The following TSPEAR variants were observed in gnomAD, a reference collection of about 807,000 sequenced individuals.
TSPEAR encodes thrombospondin-type laminin G domain and EAR repeat-containing protein.
In TSPEAR, 69 loss-of-function variants were observed where a neutral mutation model predicts 71.6. The observed-to-expected ratio is 0.96, with a 90% CI of 0.79 to 1.18. TSPEAR has a LOEUF of 1.18. Among genes scored for constraint, TSPEAR ranks in the 50% most tolerant of loss-of-function variants. The pLI is 0.00. For synonymous variants in TSPEAR, 402 were observed against 387.2 expected (o/e 1.04, Z -0.45); for missense variants, 971 against 894.9 (o/e 1.09, Z -1.09).
At position 44,658,198 on chromosome 21, in the gene TSPEAR, G is replaced by A. The variant is rs201709034; in HGVS notation, c.82+53235C>T. ...ATGTGACTCCCTCTTGCCAATCTTC[G>A]GGGTGCTGCCAGCCCCCCTGCACCA... On this transcript the variant is annotated intron_variant, in intron 1 of 11. Transcript: ENST00000323084. 28 of 1,613,912 alleles carry A rather than the reference G, an allele frequency of 1.7e-5. No individual in the cohort carries two copies. The African/African-American group carries it at 2.0e-4, about 12-fold the overall frequency.
intron 1 of TSPEAR, among the ~76,000 whole-genome samples, chr21:44,575,862 T>TC (rs1978404850): frequency 6.6e-6 from 1 of 152,024 alleles, no homozygotes; most frequent in Non-Finnish European, 1.5e-5. Flanking sequence ...AGCAGAATCA[T>TC]CTCCTCGACC....
intron 1 of TSPEAR, among the ~76,000 whole-genome samples, chr21:44,633,171 A>T (rs1430819271): frequency 6.6e-6 from 1 of 152,154 alleles, no homozygotes; most frequent in Non-Finnish European, 1.5e-5. Flanking sequence ...CAAAAAACTA[A>T]TTTTAGGCTT....
In TSPEAR at chr21:44,583,691, A is replaced by G. The variant is rs1979153200; in HGVS notation, c.83-15686T>C. Among the ~76,000 whole-genome samples, 3 of 152,206 alleles carry G rather than the reference A, an allele frequency of 2.0e-5. No individual in the cohort carries two copies. The South Asian group carries it at 6.2e-4, about 32-fold the overall frequency. On this transcript the variant is annotated intron_variant, in intron 1 of 11. Coordinates refer to ENST00000323084, the MANE Select transcript of TSPEAR (RefSeq NM_144991.3). ...GTAACTTGAGTGATCTAAGATATAC[A>G]TTACTTGATAATGGCTCATTATCCC...
chr21:44,660,087 CAAAGAG>C (rs1222299129), intron 1 of TSPEAR, among the ~76,000 whole-genome samples: 16 of 151,758 alleles, frequency 1.1e-4, no homozygotes, highest in African/African-American at 1.7e-4. Flanking sequence ...AATTAAAACA[CAAAGAG>C]AAAGAGAAAG....
At chr21:44,603,950 T>C (rs1981145504) in intron 1 of TSPEAR, among the ~76,000 whole-genome samples, 2 of 152,258 alleles carry the variant, frequency 1.3e-5, no homozygotes, top group Admixed American at 1.3e-4. Context: ...AGAAGCCACC[T>C]GTGGGGCATC....
chr21:44,629,292 G>A (rs587683549), intron 1 of TSPEAR, among the ~76,000 whole-genome samples: 3 of 152,314 alleles, frequency 2.0e-5, no homozygotes, highest in African/African-American at 4.8e-5. Flanking sequence ...TCCACGGACT[G>A]GGGGCTCGAG....
chr21:44,579,244 C>G (rs1978695318), intron 1 of TSPEAR, among the ~76,000 whole-genome samples: 1 of 152,136 alleles, frequency 6.6e-6, no homozygotes, highest in African/African-American at 2.4e-5. Context: ...AGCCAATGAC[C>G]AGGCTCAGGA....
rs267606159 is a variant in TSPEAR at position 44,540,065 on chromosome 21, G to A, written c.304-6142C>T. On this transcript the variant is annotated intron_variant, in intron 2 of 11. Coordinates refer to ENST00000323084, the MANE Select transcript of TSPEAR (RefSeq NM_144991.3). Reference sequence around the variant, plus strand: ...GCAGCAGCTGAGGGCGCAGCAGTGGGGCTCACAGCAGCTCTCTGGGCAGGC... The same window carrying A: ...GCAGCAGCTGAGGGCGCAGCAGTGGAGCTCACAGCAGCTCTCTGGGCAGGC... 2.5e-6 allele frequency: 4 copies of A among 1,613,372 alleles called. No homozygotes were observed. The East Asian group carries it at 8.9e-5, about 36-fold the overall frequency.
intron 1 of TSPEAR, among the ~76,000 whole-genome samples, chr21:44,597,432 C>CTTTTT (rs370569621): frequency 2.3e-5 from 3 of 130,618 alleles, no homozygotes; most frequent in African/African-American, 9.8e-5. Context: ...TTCTTTCTTT[C>CTTTTT]TTTTCTTTTT....
chr21:44,533,721 A>G lies in TSPEAR; in HGVS notation c.506T>C (p.Phe169Ser), dbSNP rs782420885. The G allele has an allele frequency of 5.6e-6, 9 of 1,611,528 alleles. No individual in the cohort carries two copies. The East Asian group carries it at 1.6e-4, about 28-fold the overall frequency. ...TLVLAVSAGV[F>S]SLTTDCGLPV... ...GAGGCCGCAGTCCGTGGTGAGGGAG[A>G]AGACGCCTGCGGACACAGCCAGGAC... The change falls in exon 3 of 12, where the codon TTC becomes TCC. Residue 169 changes from phenylalanine to serine, a missense_variant. Phe to Ser is a radical substitution (Grantham distance 155). Coordinates refer to ENST00000323084, the MANE Select transcript of TSPEAR (RefSeq NM_144991.3).
chr21:44,641,039 A>G (rs1983993172), intron 1 of TSPEAR, among the ~76,000 whole-genome samples: 1 of 152,170 alleles, frequency 6.6e-6, no homozygotes. Context: ...TCAGCGATGA[A>G]CAAGGCCCCC....
At chr21:44,603,626 G>A (rs1387223703) in intron 1 of TSPEAR, among the ~76,000 whole-genome samples, 3 of 152,184 alleles carry the variant, frequency 2.0e-5, no homozygotes, top group Non-Finnish European at 4.4e-5. Context: ...AGGGCAACAG[G>A]TGGAACTTCA....
At chr21:44,661,013 CG>C (rs1290432208) in intron 1 of TSPEAR, among the ~76,000 whole-genome samples, 15 of 150,806 alleles carry the variant, frequency 9.9e-5, no homozygotes, top group Admixed American at 5.9e-4. Flanking sequence ...ATAAATAGGC[CG>C]GGCGCGGTGG....
chr21:44,627,841 T>C (rs1601503760), intron 1 of TSPEAR: 1 of 1,613,934 alleles, frequency 6.2e-7, no homozygotes, highest in Non-Finnish European at 8.5e-7. Flanking sequence ...CACCACCTCC[T>C]GCTGCAGACC....
intron 1 of TSPEAR, chr21:44,666,975 A>G (rs1440477908): frequency 9.9e-6 from 14 of 1,413,174 alleles, no homozygotes; most frequent in Non-Finnish European, 1.4e-5. Context: ...GGGCCCAGGC[A>G]TCCCCACAGC....
chr21:44,602,573 G>C (rs367607358), intron 1 of TSPEAR, among the ~76,000 whole-genome samples: 2 of 152,204 alleles, frequency 1.3e-5, no homozygotes, highest in African/African-American at 4.8e-5. Context: ...GGCTCCCCCC[G>C]GCCCCGCCTC....
At chr21:44,534,583 A>G (rs1170288664) in intron 2 of TSPEAR, among the ~76,000 whole-genome samples, 2 of 151,960 alleles carry the variant, frequency 1.3e-5, no homozygotes, top group Non-Finnish European at 2.9e-5. Flanking sequence ...TCCATGGTAA[A>G]ACCCAAAGGC....
rs782738030 is a variant in TSPEAR, at chr21:44,638,130, C to T, written c.83-70125G>A. 7 of 1,613,254 alleles carry T rather than the reference C, an allele frequency of 4.3e-6. No individual in the cohort carries two copies. In the East Asian group the frequency reaches 6.7e-5, roughly 15 times the overall value. ...CTCTGCCGCCCCGTGTGCTCCCGCC[C>T]TGCCTGCTACAGCCTCTGCTCTGGC... is the stretch of plus-strand genomic sequence containing the variant. On this transcript the variant is annotated intron_variant, in intron 1 of 11. Coordinates refer to ENST00000323084, the MANE Select transcript of TSPEAR (RefSeq NM_144991.3).
At chr21:44,558,438 G>T (rs868909278) in intron 2 of TSPEAR, 2 of 1,614,104 alleles carry the variant, frequency 1.2e-6, no homozygotes, top group East Asian at 4.5e-5. Flanking sequence ...CTGGCAGGGG[G>T]AGGATGTGCA....
Sources: gnomAD v4.1 joint callset for allele counts (sites outside exome capture counted in the v4.1 genomes callset) on GRCh38, gnomAD v4.1.1 for gene constraint, MANE v1.5 for transcripts, NCBI Gene and HGNC (gene_info 2026-07-23, HGNC 2026-07-21) for gene names.